EPM2A: variants seen among roughly 807,000 people sequenced by gnomAD.
EPM2A encodes the protein EPM2A glucan phosphatase, laforin.
In EPM2A, 21 loss-of-function variants were observed where a neutral mutation model predicts 26.5. That is an observed-to-expected ratio of 0.79 (90% confidence interval 0.56 to 1.14). The LOEUF is 1.14. Among genes scored for constraint, EPM2A ranks in the 50% most tolerant of loss-of-function variants. The probability of loss-of-function intolerance (pLI) is 0.00; values close to 1 mark genes in which losing one functional copy is unlikely to be tolerated. For missense variants in EPM2A, 458 were observed against 440.8 expected, an observed-to-expected ratio of 1.04 and a Z score of -0.35; for synonymous variants, 217 against 177.6, an observed-to-expected ratio of 1.22 and a Z score of -1.76.
At chr6:145,687,837 T>C (rs1029332108) in intron 1 of EPM2A, among the ~76,000 whole-genome samples, 1 of 152,154 alleles carries the variant, frequency 6.6e-6, no homozygotes, top group East Asian at 1.9e-4. Context: ...TTTCTCTTAA[T>C]GGATTTTTTT....
At chr6:145,734,405 G>C (rs187371421) in intron 1 of EPM2A, among the ~76,000 whole-genome samples, 40 of 152,106 alleles carry the variant, frequency 2.6e-4, no homozygotes, top group African/African-American at 8.2e-4. Flanking sequence ...TACAAGCAGT[G>C]TGCTTAAGAT....
At chr6:145,472,077 C>T (rs1046222480) in intron 4 of EPM2A, among the ~76,000 whole-genome samples, 3 of 151,394 alleles carry the variant, frequency 2.0e-5, no homozygotes, top group Non-Finnish European at 4.4e-5. Flanking sequence ...AGCTCAACTA[C>T]AGCAGGGAAG....
chr6:145,452,688 C>CAA lies in EPM2A; in HGVS notation c.555+49832_555+49833dup, dbSNP rs770537287. Among the ~76,000 whole-genome samples the CAA allele has an allele frequency of 2.6e-3, 267 of 103,264 alleles. 1 individual carries two copies. Among genetic ancestry groups the CAA allele is most frequent in the African/African-American group, 7.4e-3 (215 of 29,146 alleles). The allele number at this position is 103,264 out of a possible 152,430, so 67.7% of individuals were successfully genotyped here. On this transcript the variant is annotated intron_variant, in intron 4 of 4. Transcript: ENST00000638717. Reference sequence around the variant, plus strand: ...TGGGCAACAGAGCAAGACTCTGTCTCAAAAAAAAAAAAAAAATCCAGATTT... The same window carrying CAA: ...TGGGCAACAGAGCAAGACTCTGTCTCAAAAAAAAAAAAAAAAAATCCAGATTT...
chr6:145,479,534 T>C (rs1343208822), intron 4 of EPM2A, among the ~76,000 whole-genome samples: 1 of 151,998 alleles, frequency 6.6e-6, no homozygotes, highest in Non-Finnish European at 1.5e-5. Flanking sequence ...ACATAGGTCC[T>C]TTTGTGATAG....
intron 1 of EPM2A, among the ~76,000 whole-genome samples, chr6:145,734,125 T>C (rs191002866): frequency 9.8e-5 from 15 of 152,310 alleles, no homozygotes; most frequent in Admixed American, 1.3e-4. Context: ...CACTCCCGAA[T>C]GTTCAAAGAT....
intron 2 of EPM2A, among the ~76,000 whole-genome samples, chr6:145,558,550 T>C (rs1582851913): frequency 6.6e-6 from 1 of 152,226 alleles, no homozygotes; most frequent in African/African-American, 2.4e-5. Flanking sequence ...CAACCAACAG[T>C]GTACAAGGGT....
intron 4 of EPM2A, among the ~76,000 whole-genome samples, chr6:145,484,344 C>A (rs1289391997): frequency 6.6e-6 from 1 of 151,928 alleles, no homozygotes; most frequent in African/African-American, 2.4e-5. Flanking sequence ...AAGAGCACCC[C>A]AAATATTTTA....
intron 2 of EPM2A, among the ~76,000 whole-genome samples, chr6:145,575,127 C>T (rs913593379): frequency 6.6e-6 from 1 of 152,054 alleles, no homozygotes; most frequent in Non-Finnish European, 1.5e-5. Flanking sequence ...ACCACTGTGT[C>T]CTCAGGCAGC....
chr6:145,453,436 T>A (rs945202698), intron 4 of EPM2A, among the ~76,000 whole-genome samples: 2 of 152,126 alleles, frequency 1.3e-5, no homozygotes, highest in African/African-American at 4.8e-5. Context: ...GTGTCTGTTG[T>A]TGTTGTGTTT....
At position 145,454,996 on chromosome 6, in the gene EPM2A, T is replaced by C. The variant is rs141752345; in HGVS notation, c.555+47526A>G. 2.0e-3 allele frequency among the ~76,000 whole-genome samples: 309 copies of C among 152,230 alleles called. 1 individual carries two copies. The highest frequency in any genetic ancestry group is 7.1e-3 in the African/African-American group (294 of 41,572). On this transcript the variant is annotated intron_variant, in intron 4 of 4. Transcript: ENST00000638717. ...TTGTATATATGTGTATGTGCATACA[T>C]ATATATGTGTGTGTACACATATATA...
rs1221056919 is a variant in EPM2A, at chr6:145,733,868, T to C, written c.301+1330A>G. Among the ~76,000 whole-genome samples, 3 of 152,146 alleles carry C rather than the reference T, an allele frequency of 2.0e-5. No individual in the cohort carries two copies. In the East Asian group the frequency reaches 5.8e-4, roughly 29 times the overall value. ...CAGGCTAAATGGCCCATTTTTTTTT[T>C]CATATAAACTTCTAAAGAGACATTC... On this transcript the variant is annotated intron_variant, in intron 1 of 3. Coordinates refer to ENST00000367519, the MANE Select transcript of EPM2A (RefSeq NM_005670.4).
intron 4 of EPM2A, among the ~76,000 whole-genome samples, chr6:145,404,346 T>C (rs1347197700): frequency 1.3e-5 from 2 of 152,124 alleles, no homozygotes; most frequent in Non-Finnish European, 2.9e-5. Flanking sequence ...ATTTTAAATG[T>C]TTTTATTTTT....
intron 2 of EPM2A, among the ~76,000 whole-genome samples, chr6:145,566,068 C>T (rs1172404187): frequency 2.6e-5 from 4 of 152,134 alleles, no homozygotes; most frequent in African/African-American, 9.7e-5. Flanking sequence ...AAGTCAGCCT[C>T]TTCTTAGGTG....
intron 2 of EPM2A, among the ~76,000 whole-genome samples, chr6:145,506,235 C>T (rs1035372822): frequency 6.6e-6 from 1 of 152,092 alleles, no homozygotes; most frequent in East Asian, 1.9e-4. Context: ...ATGAACTCCA[C>T]GTAGTATGAA....
At chr6:145,404,952 A>G (rs1476683667) in intron 4 of EPM2A, among the ~76,000 whole-genome samples, 1 of 152,152 alleles carries the variant, frequency 6.6e-6, no homozygotes, top group Non-Finnish European at 1.5e-5. Context: ...TGTAAATACA[A>G]TTTATAAAAC....
At chr6:145,717,613 G>T (rs1047112831) in intron 1 of EPM2A, among the ~76,000 whole-genome samples, 1 of 152,124 alleles carries the variant, frequency 6.6e-6, no homozygotes, top group Non-Finnish European at 1.5e-5. Flanking sequence ...GGAAGTTCTG[G>T]CCACGGCAAT....
Position 145,664,179 on chromosome 6 carries a change from G to A in EPM2A, c.476+21943C>T, listed in dbSNP as rs1218371656. Reference sequence around the variant, plus strand: ...ACACACAACAATATTAACTTTAAATGTAAATGGACTAAATTCTCCAATTAA... The same window carrying A: ...ACACACAACAATATTAACTTTAAATATAAATGGACTAAATTCTCCAATTAA... On this transcript the variant is annotated intron_variant, in intron 2 of 3. Coordinates refer to ENST00000367519, the MANE Select transcript of EPM2A (RefSeq NM_005670.4). Among the ~76,000 whole-genome samples the A allele has an allele frequency of 3.5e-5, 3 of 85,916 alleles. 1 individual carries two copies. The highest frequency in any genetic ancestry group is 1.6e-4 in the African/African-American group (3 of 19,296). 56.4% of individuals were successfully genotyped at this position (85,916 alleles called of 152,430 possible).
chr6:145,596,028 A>G (rs375289537), intron 2 of EPM2A, among the ~76,000 whole-genome samples: 14 of 152,224 alleles, frequency 9.2e-5, no homozygotes, highest in African/African-American at 3.4e-4. Flanking sequence ...CAGTAAAATC[A>G]TTGGAAATTT....
downstream of EPM2A, among the ~76,000 whole-genome samples, chr6:145,623,863 T>C (rs531887368): frequency 1.7e-4 from 26 of 152,290 alleles, no homozygotes; most frequent in Middle Eastern, 3.4e-3. Context: ...ACAGAATTTC[T>C]GGATGATTTG....
Sources: gnomAD v4.1 joint callset for allele counts (sites outside exome capture counted in the v4.1 genomes callset) on GRCh38, gnomAD v4.1.1 for gene constraint, MANE v1.5 for transcripts, NCBI Gene and HGNC (gene_info 2026-07-23, HGNC 2026-07-21) for gene names.